ATP6V1E1: variants seen among roughly 807,000 people sequenced by gnomAD.
The protein encoded by ATP6V1E1 is ATPase H+ transporting V1 subunit E1.
A neutral mutation model predicts 35.2 loss-of-function variants in ATP6V1E1; 21 were observed. The ratio of observed to expected loss-of-function variants is 0.60; its 90% CI spans 0.42 to 0.86. The LOEUF (loss-of-function observed/expected upper bound fraction) is 0.86, where lower values mean the gene tolerates loss of function less well. Among genes scored for constraint, ATP6V1E1 ranks in the 40% least tolerant of loss-of-function variants. The pLI, the probability that ATP6V1E1 is intolerant of heterozygous loss-of-function variation, is 0.00. For missense variants in ATP6V1E1, 183 were observed against 272.6 expected (o/e 0.67, Z 2.32); for synonymous variants, 83 against 87.8 (o/e 0.95, Z 0.30).
chr22:17,592,317 C>T lies in ATP6V1E1; in HGVS notation c.*357G>A. On this transcript the variant is annotated 3_prime_UTR_variant, in exon 9 of 9. Coordinates refer to ENST00000253413, the MANE Select transcript of ATP6V1E1 (RefSeq NM_001696.4). The stretch of plus-strand genomic sequence containing the variant: ...GGTGTGCCACATGCGCCTTAAGCCT[C>T]AAGAGTGGGGACTGCAGGGCCAAAC... 4.1e-6 allele frequency: 1 copy of T among 245,710 alleles called. No individual in the cohort carries two copies. Among genetic ancestry groups the T allele is most frequent in the East Asian group, 8.8e-5 (1 of 11,412 alleles). 15.2% of individuals were successfully genotyped at this position (245,710 alleles called of 1,614,324 possible).
At chr22:17,594,925 G>A (rs759764145) in intron 7 of ATP6V1E1, 16 of 180,176 alleles carry the variant, frequency 8.9e-5, no homozygotes, top group Middle Eastern at 4.6e-3. Context: ...GTAAATGGTT[G>A]TTATACCGTA....
At chr22:17,609,999 C>T (rs577565428) in intron 4 of ATP6V1E1, among the ~76,000 whole-genome samples, 5 of 152,234 alleles carry the variant, frequency 3.3e-5, no homozygotes, top group East Asian at 3.9e-4. Context: ...GGCATGGTGG[C>T]TCTTGCCTGT....
At chr22:17,600,153 G>A (rs2146298466) in intron 5 of ATP6V1E1, 58 bp from the exon 6 acceptor site, 1 of 1,508,666 alleles carries the variant, frequency 6.6e-7, no homozygotes, top group Non-Finnish European at 9.2e-7. Flanking sequence ...TAAAGAAACA[G>A]GTCGGGCACA....
intron 4 of ATP6V1E1, among the ~76,000 whole-genome samples, chr22:17,609,830 T>C (rs1601384689): frequency 6.6e-6 from 1 of 152,246 alleles, no homozygotes; most frequent in East Asian, 1.9e-4. Context: ...TCATGAGAGA[T>C]GTTACTAAAA....
At chr22:17,612,529 C>T in intron 4 of ATP6V1E1, 1 of 295,730 alleles carries the variant, frequency 3.4e-6, no homozygotes, top group Non-Finnish European at 6.2e-6. Flanking sequence ...ATTAACCATC[C>T]TATGGTTCTG....
intron 4 of ATP6V1E1, among the ~76,000 whole-genome samples, chr22:17,605,311 A>C (rs2057781178): frequency 6.6e-6 from 1 of 151,790 alleles, no homozygotes; most frequent in African/African-American, 2.4e-5. Context: ...CAGGCAGATC[A>C]CCTGAGGTCG....
At chr22:17,615,686 T>C (rs2057840446) in intron 2 of ATP6V1E1, among the ~76,000 whole-genome samples, 1 of 151,280 alleles carries the variant, frequency 6.6e-6, no homozygotes, top group South Asian at 2.1e-4. Flanking sequence ...GATCATGAGG[T>C]CAAGAGTTCG....
intron 4 of ATP6V1E1, among the ~76,000 whole-genome samples, chr22:17,606,480 C>T (rs1042342679): frequency 7.6e-5 from 10 of 131,692 alleles, no homozygotes; most frequent in Non-Finnish European, 1.5e-4. Context: ...AGACTGTAAG[C>T]GGTTAAAAAA....
intron 1 of ATP6V1E1, among the ~76,000 whole-genome samples, chr22:17,622,855 T>C (rs1384671301): frequency 6.6e-6 from 1 of 151,952 alleles, no homozygotes; most frequent in Non-Finnish European, 1.5e-5. Context: ...TAATCCCAGT[T>C]ACTCAGGAGG....
chr22:17,597,065 C>A (rs1356903643), intron 7 of ATP6V1E1, among the ~76,000 whole-genome samples: 2 of 151,720 alleles, frequency 1.3e-5, no homozygotes, highest in African/African-American at 4.9e-5. Context: ...CACAGTGAAA[C>A]CCCATCTCTA....
intron 7 of ATP6V1E1, among the ~76,000 whole-genome samples, chr22:17,596,507 A>G (rs1354979821): frequency 6.6e-6 from 1 of 152,008 alleles, no homozygotes; most frequent in African/African-American, 2.4e-5. Flanking sequence ...CATGAGTGGA[A>G]GCAGCCTGAG....
chr22:17,595,781 A>G (rs2057728885), intron 7 of ATP6V1E1, among the ~76,000 whole-genome samples: 1 of 151,934 alleles, frequency 6.6e-6, no homozygotes, highest in African/African-American at 2.4e-5. Context: ...AGATCACACC[A>G]CTGCACTCCA....
chr22:17,623,745 T>C (rs1418086886), intron 1 of ATP6V1E1, among the ~76,000 whole-genome samples: 1 of 152,156 alleles, frequency 6.6e-6, no homozygotes, highest in Non-Finnish European at 1.5e-5. Context: ...AGGTGAACCC[T>C]GATTCGGACC....
intron 7 of ATP6V1E1, among the ~76,000 whole-genome samples, chr22:17,597,598 T>A (rs1261835272): frequency 3.3e-5 from 5 of 151,834 alleles, no homozygotes; most frequent in Admixed American, 6.6e-5. Flanking sequence ...GGGGGCCACC[T>A]CCCCGCAGAA....
At chr22:17,601,664 A>G (rs1049338685) in intron 4 of ATP6V1E1, among the ~76,000 whole-genome samples, 1 of 151,586 alleles carries the variant, frequency 6.6e-6, no homozygotes, top group Admixed American at 6.6e-5. Flanking sequence ...CTGGAGTGCA[A>G]TGGTGCAATC....
intron 4 of ATP6V1E1, among the ~76,000 whole-genome samples, chr22:17,601,436 G>A (rs775936815): frequency 1.3e-5 from 2 of 152,054 alleles, no homozygotes; most frequent in South Asian, 2.1e-4. Flanking sequence ...TTCAGAAACC[G>A]ACACAAGTGA....
chr22:17,615,892 C>A (rs1404566244), intron 2 of ATP6V1E1, among the ~76,000 whole-genome samples: 1 of 151,766 alleles, frequency 6.6e-6, no homozygotes, highest in Non-Finnish European at 1.5e-5. Context: ...ATTAGCTGGG[C>A]GTGGTGGCAG....
rs143164480 is a variant in ATP6V1E1, at chr22:17,627,978, G to A, written c.33+625C>T. On this transcript the variant is annotated intron_variant, in intron 1 of 8. Transcript: ENST00000253413. ...TAAAAAAAAAAAAAGTGACAAGGCTGGTTTGTTTTTTTTTTTTCTTTTTCC... is the reference window on the plus strand; with the variant it reads ...TAAAAAAAAAAAAAGTGACAAGGCTAGTTTGTTTTTTTTTTTTCTTTTTCC... 5.4e-5 allele frequency among the ~76,000 whole-genome samples: 8 copies of A among 147,612 alleles called. No individual in the cohort carries two copies. The East Asian group carries it at 9.8e-4, about 18-fold the overall frequency.
intron 4 of ATP6V1E1, among the ~76,000 whole-genome samples, chr22:17,603,409 G>A (rs1413861833): frequency 6.6e-6 from 1 of 151,866 alleles, no homozygotes; most frequent in Admixed American, 6.6e-5. Flanking sequence ...CCAGGTACTA[G>A]GGAGGCTGAG....
Sources: allele counts gnomAD v4.1 joint callset (sites outside exome capture counted in the v4.1 genomes callset), GRCh38; gene constraint gnomAD v4.1.1; transcripts MANE v1.5; gene names NCBI Gene and HGNC (gene_info 2026-07-23, HGNC 2026-07-21).